KDM2B: variants seen among roughly 807,000 people sequenced by gnomAD.
KDM2B encodes the protein lysine-specific demethylase 2B.
In KDM2B, 26 loss-of-function variants were observed where a neutral mutation model predicts 150.0. The ratio of observed to expected loss-of-function variants is 0.17; its 90% CI spans 0.13 to 0.24. KDM2B has a LOEUF of 0.24. Among genes scored for constraint, KDM2B ranks in the 10% least tolerant of loss-of-function variants. The probability of loss-of-function intolerance (pLI) is 1.00; values close to 1 mark genes in which losing one functional copy is unlikely to be tolerated. For synonymous variants in KDM2B, 734 were observed against 729.5 expected, an observed-to-expected ratio of 1.01 and a Z score of -0.10; for missense variants, 1,265 against 1,816.9, an observed-to-expected ratio of 0.70 and a Z score of 5.52.
chr12:121,435,061 C>T (rs1373002412), intron 22 of KDM2B, among the ~76,000 whole-genome samples: 4 of 146,566 alleles, frequency 2.7e-5, no homozygotes, highest in East Asian at 2.0e-4. Flanking sequence ...AGGCCAGGTG[C>T]AGTGGCTCAT....
At chr12:121,550,167 G>A (rs1454076716) in intron 4 of KDM2B, among the ~76,000 whole-genome samples, 3 of 152,066 alleles carry the variant, frequency 2.0e-5, no homozygotes, top group Non-Finnish European at 4.4e-5. Flanking sequence ...AAAAATAGCC[G>A]GGCGTGGTGG....
chr12:121,549,451 C>T lies in KDM2B; in HGVS notation c.576+9G>A, dbSNP rs373433350. ...GTATCTGGGGAGGGTACCTGGGCCC[C>T]GGACCTACCACAGTCGGACGCTTGA... On this transcript the variant is annotated intron_variant, in intron 5 of 22. Coordinates refer to ENST00000377071, the MANE Select transcript of KDM2B (RefSeq NM_032590.5). This position sits in a 1 kb window ranked among gnomAD's most constrained non-coding sequence, Gnocchi z 4.4. The T allele has an allele frequency of 1.6e-5, 26 of 1,582,498 alleles. No homozygotes were observed. The Admixed American group carries it at 2.2e-4, about 14-fold the overall frequency.
chr12:121,424,137 G>A (rs2090500493), downstream of KDM2B: 1 of 152,760 alleles, frequency 6.5e-6, no homozygotes, highest in African/African-American at 2.4e-5. Context: ...TTCTCTAGTC[G>A]ACTGCCAGGG....
intron 1 of KDM2B, 47 bp from the exon 2 acceptor site, chr12:121,578,993 G>A: frequency 6.3e-7 from 1 of 1,582,474 alleles, no homozygotes; most frequent in Non-Finnish European, 8.6e-7. Context: ...TGTGGGGGCT[G>A]GAGGTCGCCT....
rs1051318255 is a variant in KDM2B, at chr12:121,533,852, C to T, written c.777+645G>A. Among the ~76,000 whole-genome samples the T allele has an allele frequency of 6.6e-6, 1 of 152,190 alleles. No individual in the cohort carries two copies. Among genetic ancestry groups the T allele is most frequent in the Non-Finnish European group, 1.5e-5 (1 of 68,016 alleles). On this transcript the variant is annotated intron_variant, in intron 7 of 22. Coordinates refer to ENST00000377071, the MANE Select transcript of KDM2B (RefSeq NM_032590.5). The surrounding 1 kb of genome is among the most constrained non-coding windows in gnomAD (Gnocchi z 4.1). ...ACCCTGGGCCAGGAGCCATGGCCCA[C>T]GCCTACAATCCCAGCACTTTGGAAG...
intron 12 of KDM2B, among the ~76,000 whole-genome samples, chr12:121,475,272 A>G (rs1881239143): frequency 6.6e-6 from 1 of 150,596 alleles, no homozygotes; most frequent in Non-Finnish European, 1.5e-5. Flanking sequence ...TCTGGTCAAA[A>G]ATGGACACAC....
rs1392834072 is a variant in KDM2B, at chr12:121,468,135, C to G, written c.1735-14791G>C. ...AGGTACCGCCTTCTGAGTTGACCTCCGAAAGGTGGAGGACGTCGCAGGCCA... is the reference window on the plus strand; with the variant it reads ...AGGTACCGCCTTCTGAGTTGACCTCGGAAAGGTGGAGGACGTCGCAGGCCA... On this transcript the variant is annotated intron_variant, in intron 12 of 22. Coordinates refer to ENST00000377071, the MANE Select transcript of KDM2B (RefSeq NM_032590.5). This position sits in a 1 kb window ranked among gnomAD's most constrained non-coding sequence, Gnocchi z 4.0. 6.6e-6 allele frequency: 1 copy of G among 152,252 alleles called. No homozygotes were observed. The highest frequency in any genetic ancestry group is 1.9e-4 in the East Asian group (1 of 5,186). The allele number at this position is 152,252 out of a possible 1,614,324, so 9.4% of individuals were successfully genotyped here.
At position 121,549,480 on chromosome 12, in the gene KDM2B, A is replaced by T. The variant is rs148880138; in HGVS notation, c.556T>A (p.Leu186Met). ...LEFSHTKLEH[L>M]VKRPTVVDLV... Reference sequence around the variant, plus strand: ...CCTACCACAGTCGGACGCTTGACCAAGTGCTCCAGCTTGGTGTGGCTGAAC... The same window carrying T: ...CCTACCACAGTCGGACGCTTGACCATGTGCTCCAGCTTGGTGTGGCTGAAC... The change falls in exon 5 of 23, where the codon TTG (leucine) becomes ATG (methionine). Residue 186 changes from leucine (L) to methionine (M), a missense_variant. Coordinates refer to ENST00000377071, the MANE Select transcript of KDM2B (RefSeq NM_032590.5). The surrounding 1 kb of genome is among the most constrained non-coding windows in gnomAD (Gnocchi z 4.4). 2.5e-6 allele frequency: 4 copies of T among 1,603,718 alleles called. No homozygotes were observed. Among genetic ancestry groups the T allele is most frequent in the Admixed American group, 3.4e-5 (2 of 59,546 alleles).
chr12:121,570,432 T>A (rs1594152487), intron 4 of KDM2B, among the ~76,000 whole-genome samples: 1 of 152,134 alleles, frequency 6.6e-6, no homozygotes, highest in African/African-American at 2.4e-5. Context: ...TCGATCCTCC[T>A]ACCTTGGCCT....
At chr12:121,579,501 C>T in intron 1 of KDM2B, 4 of 966,722 alleles carry the variant, frequency 4.1e-6, no homozygotes, top group East Asian at 6.4e-5. Flanking sequence ...CCGCCCCCGC[C>T]GCCCGCCCGC....
At chr12:121,445,832 G>A (rs1297992250) in intron 13 of KDM2B, among the ~76,000 whole-genome samples, 1 of 152,194 alleles carries the variant, frequency 6.6e-6, no homozygotes, top group Non-Finnish European at 1.5e-5. Context: ...AGGAGCAGGG[G>A]CGTGAGCGCA....
At position 121,442,467 on chromosome 12, in the gene KDM2B, CGCAGATGCCCGGGGGCCGCTT is replaced by C; in HGVS notation, c.2953_2973del (p.Lys985_Cys991del). 6.3e-7 allele frequency: 1 copy of C among 1,599,574 alleles called. No individual in the cohort carries two copies. Among genetic ancestry groups the C allele is most frequent in the Non-Finnish European group, 8.5e-7 (1 of 1,179,712 alleles). On this transcript the variant is annotated inframe_deletion, in exon 19 of 23. Coordinates refer to ENST00000377071, the MANE Select transcript of KDM2B (RefSeq NM_032590.5). This position sits in a 1 kb window ranked among gnomAD's most constrained non-coding sequence, Gnocchi z 7.7. ...CCCTTGCTGAAGCGGTGGGGACGCT[CGCAGATGCCCGGGGGCCGCTT>C]GGGCTCCTCGCCCTCGCTCTCAGGC...
chr12:121,572,822 ATTTTTT>A (rs33946368), intron 4 of KDM2B, among the ~76,000 whole-genome samples: 8 of 100,202 alleles, frequency 8.0e-5, no homozygotes, highest in African/African-American at 2.7e-4. Context: ...ACCTGGATAA[ATTTTTT>A]TTTTTTTTTT....
At chr12:121,494,255 A>G in intron 12 of KDM2B, 1 of 289,488 alleles carries the variant, frequency 3.5e-6, no homozygotes, top group South Asian at 4.3e-5. Flanking sequence ...ATTAAAGGAA[A>G]AGGGAAAAGG....
At chr12:121,443,889 C>T in intron 16 of KDM2B, 96 bp from the exon 17 acceptor site, 2 of 1,422,478 alleles carry the variant, frequency 1.4e-6, no homozygotes, top group Admixed American at 3.9e-5. Context: ...CTGCTCAGGG[C>T]AGCAAGAGGC....
At chr12:121,511,532 C>T (rs1391460930) in intron 10 of KDM2B, among the ~76,000 whole-genome samples, 4 of 152,112 alleles carry the variant, frequency 2.6e-5, no homozygotes, top group African/African-American at 7.2e-5. Context: ...GTGATCCACA[C>T]GCCTCAGCCT....
intron 13 of KDM2B, among the ~76,000 whole-genome samples, chr12:121,451,063 A>AT (rs1252461821): frequency 2.6e-5 from 4 of 151,642 alleles, no homozygotes; most frequent in Non-Finnish European, 5.9e-5. Context: ...TTATATGCCG[A>AT]TTTTTTTTCA....
chr12:121,453,600 C>G lies in KDM2B; in HGVS notation c.1735-256G>C, dbSNP rs782278854. On this transcript the variant is annotated intron_variant, in intron 12 of 22. Coordinates refer to ENST00000377071, the MANE Select transcript of KDM2B (RefSeq NM_032590.5). The surrounding 1 kb of genome is among the most constrained non-coding windows in gnomAD (Gnocchi z 6.4). ...AAAGGGGAACTTTTGGACACAGAGA[C>G]AGACACGCACGTAGAGAACGTGTGT... Among the ~76,000 whole-genome samples the G allele has an allele frequency of 3.9e-5, 6 of 152,176 alleles. No individual in the cohort carries two copies. The highest frequency in any genetic ancestry group is 8.8e-5 in the Non-Finnish European group (6 of 68,032).
chr12:121,417,501 C>G, the KDM2B span: 1 of 1,606,422 alleles, frequency 6.2e-7, no homozygotes, highest in Non-Finnish European at 8.5e-7. The surrounding 1 kb of genome is among the most constrained non-coding windows in gnomAD (Gnocchi z 5.0). Flanking sequence ...TTTCTTTCTT[C>G]AGCATGTTTG....
Sources: allele counts gnomAD v4.1 joint callset (sites outside exome capture counted in the v4.1 genomes callset), GRCh38; gene constraint gnomAD v4.1.1; non-coding constraint Gnocchi (gnomAD v3.1); transcripts MANE v1.5; gene names NCBI Gene and HGNC (gene_info 2026-07-23, HGNC 2026-07-21).